The following LDB2 variants were observed in gnomAD, a reference collection of about 807,000 sequenced individuals.
LDB2 encodes LIM domain-binding protein 2.
A neutral mutation model predicts 44.3 loss-of-function variants in LDB2; 12 were observed. That is an observed-to-expected ratio of 0.27 (90% CI 0.17 to 0.44). The LOEUF (loss-of-function observed/expected upper bound fraction) is 0.44, where lower values mean the gene tolerates loss of function less well. Among genes scored for constraint, LDB2 ranks in the 20% least tolerant of loss-of-function variants. The pLI, the probability that LDB2 is intolerant of heterozygous loss-of-function variation, is 1.00. For missense variants in LDB2, 344 were observed against 473.5 expected (o/e 0.73, Z 2.54); for synonymous variants, 164 against 174.8 (o/e 0.94, Z 0.49).
intron 1 of LDB2, among the ~76,000 whole-genome samples, chr4:16,764,939 C>T (rs1190447135): frequency 2.0e-5 from 3 of 152,188 alleles, no homozygotes; most frequent in Non-Finnish European, 4.4e-5. Flanking sequence ...TGCAGCTGAT[C>T]ACTCTTACTC....
chr4:16,875,016 CAT>C (rs1444925485), intron 1 of LDB2, among the ~76,000 whole-genome samples: 2 of 152,128 alleles, frequency 1.3e-5, no homozygotes. Context: ...CCACTACAGC[CAT>C]AGACATGTAT....
chr4:16,605,875 G>A (rs1484582279), intron 2 of LDB2, among the ~76,000 whole-genome samples: 2 of 152,190 alleles, frequency 1.3e-5, no homozygotes, highest in Non-Finnish European at 2.9e-5. Flanking sequence ...ACCACCAGGA[G>A]GGGGAACTGC....
At chr4:16,530,588 C>T (rs1178103787) in intron 5 of LDB2, among the ~76,000 whole-genome samples, 1 of 152,210 alleles carries the variant, frequency 6.6e-6, no homozygotes, top group Non-Finnish European at 1.5e-5. Flanking sequence ...ATTCAAAATA[C>T]ATATTCCTTT....
chr4:16,642,371 A>T (rs1012283461), intron 2 of LDB2, among the ~76,000 whole-genome samples: 2 of 152,140 alleles, frequency 1.3e-5, no homozygotes, highest in Non-Finnish European at 2.9e-5. Context: ...ACGCACAAAA[A>T]CCCACTCCTA....
chr4:16,785,354 C>A (rs1029860459), intron 1 of LDB2, among the ~76,000 whole-genome samples: 3 of 152,102 alleles, frequency 2.0e-5, no homozygotes, highest in African/African-American at 7.2e-5. Flanking sequence ...AGTTCAACTT[C>A]AGGCCAGTCT....
intron 1 of LDB2, among the ~76,000 whole-genome samples, chr4:16,783,712 A>C (rs1436793038): frequency 6.6e-6 from 1 of 152,232 alleles, no homozygotes; most frequent in Non-Finnish European, 1.5e-5. Flanking sequence ...TTTTCATTAA[A>C]TCATAGATGT....
At chr4:16,556,989 C>G (rs1369650116) in intron 5 of LDB2, among the ~76,000 whole-genome samples, 2 of 152,088 alleles carry the variant, frequency 1.3e-5, no homozygotes, top group African/African-American at 4.8e-5. Flanking sequence ...ATTATCATAT[C>G]CACAGATTAT....
chr4:16,870,386 C>T (rs1182957866), intron 1 of LDB2, among the ~76,000 whole-genome samples: 1 of 152,046 alleles, frequency 6.6e-6, no homozygotes, highest in Non-Finnish European at 1.5e-5. Context: ...AAAGTGGTGG[C>T]CAGAAGGGGA....
intron 2 of LDB2, among the ~76,000 whole-genome samples, chr4:16,627,909 C>T (rs1390784841): frequency 1.3e-5 from 2 of 152,190 alleles, no homozygotes; most frequent in Non-Finnish European, 2.9e-5. Flanking sequence ...GAACACCTGG[C>T]CACTGCTAAC....
chr4:16,807,274 A>G (rs1296598308), intron 1 of LDB2, among the ~76,000 whole-genome samples: 3 of 152,232 alleles, frequency 2.0e-5, no homozygotes, highest in Admixed American at 1.3e-4. Flanking sequence ...TATTGCAATT[A>G]TTATTATATT....
At chr4:16,618,235 G>A (rs1016932774) in intron 2 of LDB2, among the ~76,000 whole-genome samples, 7 of 152,152 alleles carry the variant, frequency 4.6e-5, no homozygotes, top group African/African-American at 7.2e-5. Context: ...TCACTGGACC[G>A]GGATAAGCCT....
At chr4:16,548,131 T>C (rs970214687) in intron 5 of LDB2, among the ~76,000 whole-genome samples, 1 of 152,022 alleles carries the variant, frequency 6.6e-6, no homozygotes, top group Non-Finnish European at 1.5e-5. Context: ...GCCTCAACTT[T>C]CCTGGTTCTT....
At chr4:16,555,781 A>T (rs1259148265) in intron 5 of LDB2, among the ~76,000 whole-genome samples, 1 of 152,116 alleles carries the variant, frequency 6.6e-6, no homozygotes, top group East Asian at 1.9e-4. Context: ...TGTTTAGATT[A>T]TGTCTCCTCC....
intron 1 of LDB2, among the ~76,000 whole-genome samples, chr4:16,812,179 A>G (rs943772127): frequency 6.6e-6 from 1 of 152,058 alleles, no homozygotes; most frequent in East Asian, 1.9e-4. Flanking sequence ...AATGACTGAC[A>G]CTCCATTGTC....
At chr4:16,783,517 T>C (rs1465664517) in intron 1 of LDB2, among the ~76,000 whole-genome samples, 1 of 152,234 alleles carries the variant, frequency 6.6e-6, no homozygotes, top group Non-Finnish European at 1.5e-5. Context: ...GTTTAAAGCA[T>C]CATTTTCTTT....
chr4:16,744,273 C>T (rs1468551890), intron 2 of LDB2, among the ~76,000 whole-genome samples: 1 of 151,782 alleles, frequency 6.6e-6, no homozygotes, highest in Non-Finnish European at 1.5e-5. Flanking sequence ...TCTCGTGCCT[C>T]AGCCTCCCGA....
chr4:16,778,855 C>T (rs1164159477), intron 1 of LDB2, among the ~76,000 whole-genome samples: 1 of 152,154 alleles, frequency 6.6e-6, no homozygotes, highest in African/African-American at 2.4e-5. Flanking sequence ...CAAAGTTAAC[C>T]TAAGTTTCAA....
At chr4:16,684,695 T>C (rs1560873341) in intron 2 of LDB2, among the ~76,000 whole-genome samples, 1 of 152,212 alleles carries the variant, frequency 6.6e-6, no homozygotes, top group Non-Finnish European at 1.5e-5. Context: ...TTTGGACCTT[T>C]GGATTTTGGA....
chr4:16,541,770 A>C (rs1456178978), intron 5 of LDB2, among the ~76,000 whole-genome samples: 2 of 152,306 alleles, frequency 1.3e-5, no homozygotes, highest in Admixed American at 1.3e-4. Flanking sequence ...CATAAAACAT[A>C]AATGACAAAG....
Sources: allele counts gnomAD v4.1 joint callset (sites outside exome capture counted in the v4.1 genomes callset), GRCh38; gene constraint gnomAD v4.1.1; transcripts MANE v1.5; gene names NCBI Gene and HGNC (gene_info 2026-07-23, HGNC 2026-07-21).